TBC1D5: variants seen among roughly 807,000 people sequenced by gnomAD.
TBC1D5 encodes TBC1 domain family, member 5.
A neutral mutation model predicts 100.3 loss-of-function variants in TBC1D5; 75 were observed. That is an observed-to-expected ratio of 0.75 (90% CI 0.62 to 0.91). The LOEUF is 0.91. Ranked by LOEUF, TBC1D5 falls within the 40% of genes least tolerant of loss-of-function variation. The pLI, the probability that TBC1D5 is intolerant of heterozygous loss-of-function variation, is 0.00. For synonymous variants in TBC1D5, 323 were observed against 325.6 expected, an observed-to-expected ratio of 0.99 and a Z score of 0.09; for missense variants, 910 against 942.4, an observed-to-expected ratio of 0.97 and a Z score of 0.45.
At chr3:17,640,559 AAAAG>A (rs992822588) in intron 1 of TBC1D5, among the ~76,000 whole-genome samples, 42 of 152,222 alleles carry the variant, frequency 2.8e-4, no homozygotes, top group African/African-American at 9.9e-4. Flanking sequence ...AAGACAAAGA[AAAAG>A]AAAACATAAT....
chr3:17,731,536 G>A (rs1048889081), intron 1 of TBC1D5, among the ~76,000 whole-genome samples: 11 of 149,530 alleles, frequency 7.4e-5, no homozygotes, highest in African/African-American at 2.7e-4. Context: ...AGGGTGTCAT[G>A]AGACTGGAAA....
At chr3:17,208,433 A>G (rs1463328797) in intron 18 of TBC1D5, among the ~76,000 whole-genome samples, 2 of 152,268 alleles carry the variant, frequency 1.3e-5, no homozygotes, top group Non-Finnish European at 2.9e-5. Context: ...GACAGATCAT[A>G]GGGACAAGGA....
intron 17 of TBC1D5, among the ~76,000 whole-genome samples, chr3:17,215,394 A>G (rs1386436537): frequency 6.6e-6 from 1 of 152,164 alleles, no homozygotes; most frequent in East Asian, 1.9e-4. Flanking sequence ...GTCAAGCTCA[A>G]CTTCCAATTT....
At chr3:17,300,748 G>C (rs562920457) in intron 14 of TBC1D5, among the ~76,000 whole-genome samples, 1 of 152,140 alleles carries the variant, frequency 6.6e-6, no homozygotes, top group African/African-American at 2.4e-5. Flanking sequence ...ATTTAAAAAG[G>C]CAATAAATAT....
At chr3:17,497,130 ACAC>A (rs2095719899) in intron 3 of TBC1D5, among the ~76,000 whole-genome samples, 1 of 124,528 alleles carries the variant, frequency 8.0e-6, no homozygotes, top group African/African-American at 3.4e-5. Context: ...ACACACACAC[ACAC>A]ACACCATCCT....
intron 2 of TBC1D5, among the ~76,000 whole-genome samples, chr3:17,563,792 G>T (rs1013408601): frequency 6.6e-5 from 10 of 151,540 alleles, no homozygotes; most frequent in Non-Finnish European, 1.0e-4. Flanking sequence ...TGTTTTTTTG[G>T]TTTTTTTTGA....
intron 2 of TBC1D5, among the ~76,000 whole-genome samples, chr3:17,563,136 T>C (rs2096570394): frequency 6.6e-6 from 1 of 152,202 alleles, no homozygotes; most frequent in Admixed American, 6.5e-5. Context: ...CACAACTGGA[T>C]AGAAAGATAT....
At chr3:17,532,471 C>T (rs1315876930) in intron 2 of TBC1D5, among the ~76,000 whole-genome samples, 6 of 152,172 alleles carry the variant, frequency 3.9e-5, no homozygotes, top group South Asian at 2.1e-4. Context: ...TTTGACCCAG[C>T]CATCCCATTA....
intron 1 of TBC1D5, among the ~76,000 whole-genome samples, chr3:17,674,179 A>C (rs2068329860): frequency 6.6e-6 from 1 of 152,188 alleles, no homozygotes. Flanking sequence ...CACAAGTACA[A>C]GTTTTTCCAT....
At chr3:17,669,017 A>T (rs1471766614) in intron 1 of TBC1D5, among the ~76,000 whole-genome samples, 2 of 152,196 alleles carry the variant, frequency 1.3e-5, no homozygotes, top group African/African-American at 4.8e-5. Flanking sequence ...GTCCCCACCC[A>T]AATCTCACCT....
At chr3:17,376,441 T>C (rs1489742914) in intron 10 of TBC1D5, 84 bp downstream of exon 10, 2 of 1,143,700 alleles carry the variant, frequency 1.7e-6, no homozygotes, top group African/African-American at 1.6e-5. Flanking sequence ...GTACCTTCCA[T>C]TTAGAAGATT....
At chr3:17,470,911 A>G (rs1052338910) in intron 3 of TBC1D5, among the ~76,000 whole-genome samples, 3 of 152,132 alleles carry the variant, frequency 2.0e-5, no homozygotes, top group Non-Finnish European at 4.4e-5. Context: ...ACAGAGTGAT[A>G]ATCCATCTCA....
chr3:17,258,167 T>C (rs577356648), intron 16 of TBC1D5, among the ~76,000 whole-genome samples: 1 of 151,858 alleles, frequency 6.6e-6, no homozygotes, highest in South Asian at 2.1e-4. Context: ...AATTTAAAAA[T>C]ATATTATAAA....
intron 15 of TBC1D5, among the ~76,000 whole-genome samples, chr3:17,279,242 A>G (rs2149850822): frequency 6.6e-6 from 1 of 152,342 alleles, no homozygotes; most frequent in South Asian, 2.1e-4. Flanking sequence ...GTGAATCCAC[A>G]ATAGTTGTTC....
chr3:17,214,229 T>C (rs1413572534), exon 18 of TBC1D5: 3 of 1,612,962 alleles, frequency 1.9e-6, no homozygotes, highest in South Asian at 1.1e-5. Context: ...GCCCATAGTT[T>C]TGCTGTGTGA....
At chr3:17,167,979 A>T (rs1328402547) in intron 19 of TBC1D5, 151 bp from the exon 21 acceptor site, 5 of 623,104 alleles carry the variant, frequency 8.0e-6, no homozygotes, top group Non-Finnish European at 1.1e-5. Context: ...GCGGATGGGG[A>T]AGCTGCAGGG....
At chr3:17,675,468 A>C (rs915956814) in intron 1 of TBC1D5, among the ~76,000 whole-genome samples, 1 of 152,136 alleles carries the variant, frequency 6.6e-6, no homozygotes, top group African/African-American at 2.4e-5. Flanking sequence ...ACAGCTTCTT[A>C]AGAAAAGATA....
At chr3:17,681,022 G>A (rs2069380967) in intron 1 of TBC1D5, among the ~76,000 whole-genome samples, 1 of 151,570 alleles carries the variant, frequency 6.6e-6, no homozygotes, top group Middle Eastern at 3.4e-3. Flanking sequence ...CAAAATGGAT[G>A]AGGCATGAAA....
At position 17,334,853 on chromosome 3, in the gene TBC1D5, C is replaced by T. The variant is rs1398309462; in HGVS notation, c.996-26719G>A. On this transcript the variant is annotated intron_variant, in intron 13 of 21. Coordinates refer to ENST00000253692, the Ensembl canonical transcript of TBC1D5. ...AATTGCAGTTGAGAACTTTTTAATTCTTTCCAAAGTAATCTGACTTTCTGA... is the reference window on the plus strand; with the variant it reads ...AATTGCAGTTGAGAACTTTTTAATTTTTTCCAAAGTAATCTGACTTTCTGA... 3.2e-4 allele frequency among the ~76,000 whole-genome samples: 48 copies of T among 152,068 alleles called. 1 individual carries two copies. Among genetic ancestry groups the T allele is most frequent in the Admixed American group, 3.1e-3 (47 of 15,264 alleles).
Sources: allele counts gnomAD v4.1 joint callset (sites outside exome capture counted in the v4.1 genomes callset), GRCh38; gene constraint gnomAD v4.1.1; transcripts MANE v1.5; gene names NCBI Gene and HGNC (gene_info 2026-07-23, HGNC 2026-07-21).